Variants in NNMT observed in about 807,000 individuals in gnomAD.
NNMT encodes the protein nicotinamide N-methyltransferase.
Under a neutral mutation model 11.7 loss-of-function variants are expected in NNMT, and 10 were observed. The observed-to-expected ratio is 0.85, with a 90% CI of 0.53 to 1.45. NNMT has a LOEUF of 1.45. Ranked by LOEUF, NNMT falls within the 40% of genes most tolerant of loss-of-function variation. The pLI, the probability that NNMT is intolerant of heterozygous loss-of-function variation, is 0.00. For missense variants in NNMT, 381 were observed against 319.4 expected, an observed-to-expected ratio of 1.19 and a Z score of -1.47; for synonymous variants, 143 against 133.8, an observed-to-expected ratio of 1.07 and a Z score of -0.48.
At chr11:114,307,417 T>C (rs923134484) in intron 2 of NNMT, among the ~76,000 whole-genome samples, 2 of 152,150 alleles carry the variant, frequency 1.3e-5, no homozygotes, top group African/African-American at 4.8e-5. Context: ...ACTTCCTGAC[T>C]TCCTCTGTAA....
At chr11:114,274,284 C>T (rs45592534) in intron 2 of NNMT, among the ~76,000 whole-genome samples, 1,769 of 152,330 alleles carry the variant, frequency 0.012, 21 homozygotes, top group Non-Finnish European at 0.019. Context: ...TGTTCTAAAA[C>T]AGGTGGGCTG....
intron 2 of NNMT, among the ~76,000 whole-genome samples, chr11:114,305,700 A>G (rs1945484718): frequency 1.3e-5 from 2 of 152,068 alleles, no homozygotes; most frequent in African/African-American, 4.8e-5. Context: ...ATGGCTGCAT[A>G]GTATTCCATG....
At chr11:114,278,118 G>T (rs1945228494) in intron 2 of NNMT, among the ~76,000 whole-genome samples, 1 of 152,220 alleles carries the variant, frequency 6.6e-6, no homozygotes. Context: ...TCATGGTTCT[G>T]CAGGCTGTAC....
chr11:114,309,668 A>G (rs1358453686), intron 2 of NNMT, among the ~76,000 whole-genome samples: 1 of 152,196 alleles, frequency 6.6e-6, no homozygotes, highest in African/African-American at 2.4e-5. Flanking sequence ...AAATTGCGAA[A>G]TTCAGTAGTT....
intron 2 of NNMT, among the ~76,000 whole-genome samples, chr11:114,290,324 G>T (rs890722973): frequency 6.6e-6 from 1 of 152,130 alleles, no homozygotes; most frequent in Non-Finnish European, 1.5e-5. Context: ...TGTCCTTAAA[G>T]AGCTGTTTCT....
At chr11:114,281,908 T>C (rs1945265826) in intron 2 of NNMT, among the ~76,000 whole-genome samples, 1 of 152,176 alleles carries the variant, frequency 6.6e-6, no homozygotes, top group African/African-American at 2.4e-5. Flanking sequence ...CCTGAACAAG[T>C]GACTCCTGTG....
Position 114,312,510 on chromosome 11 carries a change from AC to A in NNMT, c.*35del, listed in dbSNP as rs2135288274. The A allele has an allele frequency of 1.9e-6, 3 of 1,589,538 alleles. No individual in the cohort carries two copies. The highest frequency in any genetic ancestry group is 2.2e-5 in the South Asian group (2 of 88,968). ...GACCTCAATTAAAGCAATTCCTTTG[AC>A]CTGTCCAGTTGACTTTAGTCCTTGT... is the stretch of plus-strand genomic sequence containing the variant. On this transcript the variant is annotated 3_prime_UTR_variant, in exon 3 of 3. Transcript: ENST00000299964.
At chr11:114,273,606 C>T (rs139691622) in intron 2 of NNMT, among the ~76,000 whole-genome samples, 1,741 of 152,158 alleles carry the variant, frequency 0.011, 27 homozygotes, top group African/African-American at 0.038. Context: ...TTGGGAGGCT[C>T]GGGTGGGTGG....
rs192191020 is a variant in NNMT at position 114,268,091 on chromosome 11, A to C, written c.-130+5157A>C. Among the ~76,000 whole-genome samples, 216 of 152,300 alleles carry C rather than the reference A, an allele frequency of 1.4e-3. 1 individual carries two copies. The highest frequency in any genetic ancestry group is 4.7e-3 in the African/African-American group (195 of 41,558). On this transcript the variant is annotated intron_variant, in intron 2 of 4. Transcript: ENST00000535401. ...TGAAATGGGGCTGGGTAGTAGGAGT[A>C]AAAGGAGGAAACGATCTGAAGAGAC...
upstream of NNMT, among the ~76,000 whole-genome samples, chr11:114,292,411 G>C (rs1945341289): frequency 6.6e-6 from 1 of 152,144 alleles, no homozygotes; most frequent in African/African-American, 2.4e-5. Context: ...ATTTGGTGTA[G>C]CACCTCTGGA....
At chr11:114,295,328 C>A (rs1945364691), upstream of NNMT, among the ~76,000 whole-genome samples, 1 of 151,008 alleles carries the variant, frequency 6.6e-6, no homozygotes, top group Non-Finnish European at 1.5e-5. Context: ...TGGGAATGCA[C>A]GAAAGAATGC....
Position 114,313,056 on chromosome 11 carries a change from A to G in NNMT, c.*579A>G, listed in dbSNP as rs1043278062. 2.0e-5 allele frequency: 3 copies of G among 152,132 alleles called. No individual in the cohort carries two copies. The allele number at this position is 152,132 out of a possible 1,614,324, so 9.4% of individuals were successfully genotyped here. A position where few individuals can be genotyped will look rare whatever the true frequency, so the allele number is the denominator to read the frequency against. ...AAAATTTTTTTAAGCTACAAAGATC[A>G]CTCCATTTTCAAATTCAGACTCTGC... On this transcript the variant is annotated 3_prime_UTR_variant, in exon 3 of 3. Transcript: ENST00000299964.
intron 1 of NNMT, among the ~76,000 whole-genome samples, chr11:114,297,186 T>A (rs1009423191): frequency 1.2e-4 from 19 of 152,236 alleles, no homozygotes; most frequent in African/African-American, 4.6e-4. Context: ...AGTTTTTACA[T>A]TCTCCATGTA....
chr11:114,276,341 C>G (rs901846140), intron 2 of NNMT, among the ~76,000 whole-genome samples: 1 of 152,074 alleles, frequency 6.6e-6, no homozygotes, highest in Non-Finnish European at 1.5e-5. Flanking sequence ...AGAGCCACTT[C>G]CACGACTGCC....
At chr11:114,268,271 A>G in intron 2 of NNMT, among the ~76,000 whole-genome samples, 1 of 152,172 alleles carries the variant, frequency 6.6e-6, no homozygotes, top group Non-Finnish European at 1.5e-5. Context: ...AACTTCACAG[A>G]TGAGCTAATT....
At chr11:114,304,325 C>A (rs1383137598) in intron 2 of NNMT, among the ~76,000 whole-genome samples, 1 of 152,160 alleles carries the variant, frequency 6.6e-6, no homozygotes, top group Non-Finnish European at 1.5e-5. Flanking sequence ...TAAACCCTTA[C>A]AATCTAGCAG....
Position 114,298,017 on chromosome 11 carries a change from C to T in NNMT, c.221C>T (p.Ala74Val), listed in dbSNP as rs369210703. Residue 74 changes from alanine to valine, a missense_variant, in exon 2 of 3, where the codon GCT (alanine) becomes GTT (valine). By Grantham distance (64) the Ala-to-Val change is moderately conservative (BLOSUM62 0). Coordinates refer to ENST00000299964, the MANE Select transcript of NNMT (RefSeq NM_006169.3). ...SGPTIYQLLS[A>V]CESFKEIVVT... ...CCCACTATCTATCAGCTCCTCTCTGCTTGTGAATCCTTTAAGGAGATCGTC... is the reference window on the plus strand; with the variant it reads ...CCCACTATCTATCAGCTCCTCTCTGTTTGTGAATCCTTTAAGGAGATCGTC... 12 of 1,613,932 alleles carry T rather than the reference C, an allele frequency of 7.4e-6. No homozygotes were observed. Among genetic ancestry groups the T allele is most frequent in the African/African-American group, 1.3e-5 (1 of 74,904 alleles).
At chr11:114,259,996 T>C (rs756642306) in intron 1 of NNMT, among the ~76,000 whole-genome samples, 1 of 152,278 alleles carries the variant, frequency 6.6e-6, no homozygotes, top group African/African-American at 2.4e-5. Context: ...GAGAAATCAC[T>C]GACTTCATCC....
intron 2 of NNMT, among the ~76,000 whole-genome samples, chr11:114,288,337 G>T (rs1156463419): frequency 6.6e-6 from 1 of 152,096 alleles, no homozygotes; most frequent in African/African-American, 2.4e-5. Flanking sequence ...GATGTTTGTT[G>T]AGGTTTTTGT....
Sources: gnomAD v4.1 joint callset for allele counts (sites outside exome capture counted in the v4.1 genomes callset) on GRCh38, gnomAD v4.1.1 for gene constraint, MANE v1.5 for transcripts, NCBI Gene and HGNC (gene_info 2026-07-23, HGNC 2026-07-21) for gene names.